Variants in CUX1 observed in about 807,000 individuals in gnomAD.
CUX1 encodes protein CASP.
In CUX1, 31 loss-of-function variants were observed where a neutral mutation model predicts 158.8. That is an observed-to-expected ratio of 0.20 (90% CI 0.15 to 0.26). CUX1 has a LOEUF of 0.26. Among genes scored for constraint, CUX1 ranks in the 10% least tolerant of loss-of-function variants. CUX1 has a pLI of 1.00. For synonymous variants in CUX1, 879 were observed against 862.1 expected, an observed-to-expected ratio of 1.02 and a Z score of -0.34; for missense variants, 1,589 against 2,014.6, an observed-to-expected ratio of 0.79 and a Z score of 4.04.
intron 3 of CUX1, among the ~76,000 whole-genome samples, chr7:102,028,520 C>T (rs1820326241): frequency 6.6e-6 from 1 of 152,172 alleles, no homozygotes; most frequent in Admixed American, 6.5e-5. Flanking sequence ...TGAGTGTGTG[C>T]CATAAGTGTG....
chr7:101,984,148 A>ATG (rs71119798), intron 2 of CUX1, among the ~76,000 whole-genome samples: 2,530 of 74,508 alleles, frequency 0.034, 158 homozygotes, highest in Non-Finnish European at 0.052. Flanking sequence ...ACATATATAT[A>ATG]TGTGTGTGTG....
intron 1 of CUX1, among the ~76,000 whole-genome samples, chr7:101,870,318 G>A (rs1396005610): frequency 6.6e-6 from 1 of 151,578 alleles, no homozygotes; most frequent in African/African-American, 2.4e-5. Context: ...CACCACACCG[G>A]GCTAATTTTT....
intron 3 of CUX1, among the ~76,000 whole-genome samples, chr7:102,056,362 C>T (rs367791554): frequency 8.6e-4 from 131 of 152,218 alleles, no homozygotes; most frequent in South Asian, 7.3e-3. Context: ...GGCCGACTCT[C>T]GTTAGGGGAT....
chr7:102,153,066 G>A (rs1334394025), intron 8 of CUX1, among the ~76,000 whole-genome samples: 12 of 152,240 alleles, frequency 7.9e-5, no homozygotes, highest in South Asian at 4.1e-4. Flanking sequence ...ACCTTCCCGC[G>A]TCAGTGGGAC....
At chr7:102,212,601 G>C (rs150019863) in intron 20 of CUX1, among the ~76,000 whole-genome samples, 1 of 152,090 alleles carries the variant, frequency 6.6e-6, no homozygotes, top group African/African-American at 2.4e-5. Context: ...CAAACTTACA[G>C]TCTTTTTAAG....
At chr7:101,975,265 AGAG>A (rs1310977290) in intron 2 of CUX1, among the ~76,000 whole-genome samples, 7 of 130,094 alleles carry the variant, frequency 5.4e-5, no homozygotes, top group African/African-American at 1.9e-4. Flanking sequence ...GGAAAAAAAA[AGAG>A]AGAGAGAGAG....
chr7:102,275,160 C>A (rs189114026), intron 16 of CUX1: 7 of 925,204 alleles, frequency 7.6e-6, no homozygotes, highest in Non-Finnish European at 1.2e-5. Flanking sequence ...GGCAGAAATC[C>A]CCCAGGGCTG....
At chr7:102,163,344 A>C (rs1304980478) in intron 9 of CUX1, among the ~76,000 whole-genome samples, 1 of 151,998 alleles carries the variant, frequency 6.6e-6, no homozygotes, top group Non-Finnish European at 1.5e-5. Context: ...AAAAAAAAAA[A>C]AATAGCCAGG....
chr7:102,142,167 G>A (rs1488988080), intron 8 of CUX1, among the ~76,000 whole-genome samples: 1 of 152,152 alleles, frequency 6.6e-6, no homozygotes, highest in African/African-American at 2.4e-5. Context: ...TGTCTTTTGT[G>A]CAGCGCAGGA....
intron 8 of CUX1, among the ~76,000 whole-genome samples, chr7:102,116,031 T>C (rs1302828360): frequency 6.6e-6 from 1 of 152,218 alleles, no homozygotes; most frequent in Non-Finnish European, 1.5e-5. Flanking sequence ...CTTACTGCCA[T>C]GTCTCTTGGG....
chr7:101,969,923 C>G (rs781060577), intron 2 of CUX1, among the ~76,000 whole-genome samples: 1 of 148,978 alleles, frequency 6.7e-6, no homozygotes, highest in African/African-American at 2.5e-5. Flanking sequence ...TCCACGGTCC[C>G]CTTTCTCCTT....
At position 102,200,116 on chromosome 7, in the gene CUX1, A is replaced by G; in HGVS notation, c.2006A>G (p.Glu669Gly). 1 of 1,613,658 alleles carries G rather than the reference A, an allele frequency of 6.2e-7. No individual in the cohort carries two copies. The highest frequency in any genetic ancestry group is 8.5e-7 in the Non-Finnish European group (1 of 1,179,778). Residue 669 changes from glutamate to glycine, a missense_variant, in exon 17 of 24, where the codon GAA becomes GGA. Physicochemically the swap from Glu to Gly is moderately conservative, Grantham distance 98 (BLOSUM62 -2). Transcript: ENST00000292535. ...RIRASETGSD[E>G]AIKSILEQAK... Reference sequence around the variant, plus strand: ...CGAGCCTCGGAGACTGGCTCTGATGAAGCCATCAAGTCCATCCTAGAGCAA... The same window carrying G: ...CGAGCCTCGGAGACTGGCTCTGATGGAGCCATCAAGTCCATCCTAGAGCAA...
Position 101,916,133 on chromosome 7 carries a change from G to A in CUX1, c.49G>A (p.Ala17Thr), listed in dbSNP as rs867880450. ...ARLKRELDAT[A>T]TVLANRQDES... ...CCAACAGAGAGAACTCGATGCCACCGCAACGGTATTGGCGAACCGGCAGGA... is the reference window on the plus strand; with the variant it reads ...CCAACAGAGAGAACTCGATGCCACCACAACGGTATTGGCGAACCGGCAGGA... Residue 17 changes from alanine (A) to threonine (T), a missense_variant, in exon 2 of 24, where the codon GCA becomes ACA. Transcript: ENST00000292535. This position sits in a 1 kb window ranked among gnomAD's most constrained non-coding sequence, Gnocchi z 4.4. 17 of 1,613,188 alleles carry A rather than the reference G, an allele frequency of 1.1e-5. No homozygotes were observed. Among genetic ancestry groups the A allele is most frequent in the East Asian group, 4.5e-5 (2 of 44,862 alleles).
At chr7:101,905,972 G>A (rs543583543) in intron 1 of CUX1, among the ~76,000 whole-genome samples, 129 of 151,340 alleles carry the variant, frequency 8.5e-4, no homozygotes, top group Admixed American at 1.5e-3. Context: ...ACAGGTGTGC[G>A]CCACCATGCC....
At position 101,927,007 on chromosome 7, in the gene CUX1, T is replaced by C. The variant is rs185240469; in HGVS notation, c.141+10782T>C. ...CCAAGTAAACAAATGATGCACAAGA[T>C]AATTTCAGGTGGCGGTAAGAGCTCA... On this transcript the variant is annotated intron_variant, in intron 2 of 23. Transcript: ENST00000292535. 3.3e-3 allele frequency among the ~76,000 whole-genome samples: 509 copies of C among 152,214 alleles called. 3 individuals carry two copies. The highest frequency in any genetic ancestry group is 0.013 in the South Asian group (64 of 4,822).
intron 19 of CUX1, chr7:102,280,718 G>T: frequency 7.1e-7 from 1 of 1,404,676 alleles, no homozygotes; most frequent in Non-Finnish European, 9.9e-7. Flanking sequence ...AGGGTGTCCT[G>T]TGGCTGGCCA....
intron 1 of CUX1, among the ~76,000 whole-genome samples, chr7:101,902,454 G>T (rs1049608942): frequency 6.6e-6 from 1 of 152,216 alleles, no homozygotes; most frequent in East Asian, 1.9e-4. Context: ...GGCCCTTGAA[G>T]TATGGCAGCT....
rs992371606 is a variant in CUX1, at chr7:102,253,064, G to A, written c.*4022G>A. 1.0e-6 allele frequency: 1 copy of A among 985,422 alleles called. No homozygotes were observed. The highest frequency in any genetic ancestry group is 1.7e-5 in the African/African-American group (1 of 57,350). The allele number at this position is 985,422 out of a possible 1,614,324, so 61.0% of individuals were successfully genotyped here. On this transcript the variant is annotated 3_prime_UTR_variant, in exon 24 of 24. Coordinates refer to ENST00000292535, the MANE Select transcript of CUX1 (RefSeq NM_181552.4). ...AAAGATACCAGTCGACAGCCTCCCT[G>A]GGGTAGATCCCTTGTACCTCCAAAG...
At chr7:101,855,958 T>C (rs1350304593) in intron 1 of CUX1, among the ~76,000 whole-genome samples, 2 of 148,890 alleles carry the variant, frequency 1.3e-5, no homozygotes, top group East Asian at 4.0e-4. Context: ...GGCGGGAGGA[T>C]CACTTGAGCC....
Sources: allele counts gnomAD v4.1 joint callset (sites outside exome capture counted in the v4.1 genomes callset), GRCh38; gene constraint gnomAD v4.1.1; non-coding constraint Gnocchi (gnomAD v3.1); transcripts MANE v1.5; gene names NCBI Gene and HGNC (gene_info 2026-07-23, HGNC 2026-07-21).